The following ADCY9 variants were observed in gnomAD, a reference collection of about 807,000 sequenced individuals.
ADCY9 encodes adenylate cyclase type 9.
A neutral mutation model predicts 101.5 loss-of-function variants in ADCY9; 50 were observed. That is an observed-to-expected ratio of 0.49 (90% CI 0.39 to 0.62). The LOEUF (loss-of-function observed/expected upper bound fraction) is 0.62, where lower values mean the gene tolerates loss of function less well. Ranked by LOEUF, ADCY9 falls within the 20% of genes least tolerant of loss-of-function variation. ADCY9 has a pLI of 0.00. For synonymous variants in ADCY9, 905 were observed against 769.3 expected (o/e 1.18, Z -2.92); for missense variants, 1,662 against 1,800.4 (o/e 0.92, Z 1.39).
intron 2 of ADCY9, among the ~76,000 whole-genome samples, chr16:4,068,775 C>T (rs1229344030): frequency 1.3e-5 from 2 of 151,330 alleles, no homozygotes; most frequent in South Asian, 2.1e-4. Context: ...CAAGATCGAG[C>T]CACTGCACTC....
At chr16:4,065,089 CGT>C (rs1567134640) in intron 2 of ADCY9, among the ~76,000 whole-genome samples, 1 of 152,188 alleles carries the variant, frequency 6.6e-6, no homozygotes, top group African/African-American at 2.4e-5. Flanking sequence ...TACATGACTG[CGT>C]GTGTCAATCT....
intron 2 of ADCY9, among the ~76,000 whole-genome samples, chr16:4,077,901 C>G (rs1291219075): frequency 7.7e-6 from 1 of 130,662 alleles, no homozygotes; most frequent in Non-Finnish European, 1.7e-5. Flanking sequence ...ACTTGGGAGT[C>G]TTCGGCAGAA....
At position 4,062,296 on chromosome 16, in the gene ADCY9, T is replaced by A. The variant is rs180982112; in HGVS notation, c.1693+51454A>T. ...GATGAAAACAGAACACTAGAAAATA[T>A]CTATTTAACACAAAAGAAAACAGTA... is the stretch of plus-strand genomic sequence containing the variant. On this transcript the variant is annotated intron_variant, in intron 2 of 10. Transcript: ENST00000294016. 1.5e-3 allele frequency among the ~76,000 whole-genome samples: 231 copies of A among 152,102 alleles called. 1 individual carries two copies. The highest frequency in any genetic ancestry group is 5.3e-3 in the African/African-American group (219 of 41,482).
At chr16:3,989,168 T>C in intron 5 of ADCY9, 72 bp from the exon 6 acceptor site, 2 of 1,185,690 alleles carry the variant, frequency 1.7e-6, no homozygotes, top group South Asian at 2.5e-5. Flanking sequence ...AGATCATAAT[T>C]AGCTACCAAA....
chr16:3,966,570 G>A lies in ADCY9; in HGVS notation c.3267C>T (p.Ile1089=), dbSNP rs570463219. ...TGCTTAGGAGCTCGTCAAAGTCCCC[G>A]ATGAGCTCGTTGAGGACCCGGTAGC... ...KECYRVLNEL[I]GDFDELLSKP... Residue 1089 remains isoleucine (I), a synonymous_variant, in exon 11 of 11, where the codon ATC becomes ATT. Coordinates refer to ENST00000294016, the MANE Select transcript of ADCY9 (RefSeq NM_001116.4). The A allele has an allele frequency of 1.1e-5, 18 of 1,614,032 alleles. No homozygotes were observed. The African/African-American group carries it at 1.3e-4, about 12-fold the overall frequency.
chr16:3,996,519 G>GT (rs2056288047), intron 3 of ADCY9, among the ~76,000 whole-genome samples: 1 of 152,162 alleles, frequency 6.6e-6, no homozygotes, highest in African/African-American at 2.4e-5. Context: ...TGTGGCTAAG[G>GT]TGGGGGGCTT....
chr16:3,966,984 G>A lies in ADCY9; in HGVS notation c.2871-18C>T, dbSNP rs780994226. The A allele has an allele frequency of 1.3e-5, 20 of 1,594,134 alleles. No individual in the cohort carries two copies. Among genetic ancestry groups the A allele is most frequent in the African/African-American group, 4.0e-5 (3 of 74,400 alleles). ...TCTCGGAACTGGAGAGCAAAGACAC[G>A]GGAAAGGGAGAGGTTACTGCTCGGC... On this transcript the variant is annotated intron_variant, in intron 10 of 10. Coordinates refer to ENST00000294016, the MANE Select transcript of ADCY9 (RefSeq NM_001116.4).
rs767465372 is a variant in ADCY9 at position 3,993,382 on chromosome 16, G to C, written c.1989+24C>G. The C allele has an allele frequency of 5.0e-6, 8 of 1,611,130 alleles. No individual in the cohort carries two copies. The East Asian group carries it at 1.1e-4, about 22-fold the overall frequency. On this transcript the variant is annotated intron_variant, in intron 4 of 10. Coordinates refer to ENST00000294016, the MANE Select transcript of ADCY9 (RefSeq NM_001116.4). Reference sequence around the variant, plus strand: ...GATGCGCCAGGAGAGGAACTGACAGGAACAACAGCCATGAGCTTGTTACCT... The same window carrying C: ...GATGCGCCAGGAGAGGAACTGACAGCAACAACAGCCATGAGCTTGTTACCT...
At chr16:4,081,161 T>A (rs2056899313) in intron 2 of ADCY9, among the ~76,000 whole-genome samples, 1 of 152,076 alleles carries the variant, frequency 6.6e-6, no homozygotes, top group Non-Finnish European at 1.5e-5. Flanking sequence ...GAAAACCATC[T>A]CCCGCAGCGG....
chr16:4,097,547 A>ATTTTT (rs1393767540), intron 2 of ADCY9, among the ~76,000 whole-genome samples: 47 of 46,690 alleles, frequency 1.0e-3, no homozygotes, highest in Non-Finnish European at 1.5e-3. Flanking sequence ...ATATATATAT[A>ATTTTT]TATATATTTT....
intron 2 of ADCY9, among the ~76,000 whole-genome samples, chr16:4,013,917 C>G (rs1241902556): frequency 1.3e-5 from 2 of 152,100 alleles, no homozygotes; most frequent in Non-Finnish European, 2.9e-5. Flanking sequence ...TCATATGCAC[C>G]ATAAATAATC....
In ADCY9 at chr16:3,988,856, T is replaced by C. The variant is rs181964994; in HGVS notation, c.2310+138A>G. The stretch of plus-strand genomic sequence containing the variant: ...AGACATTTCATGTACAGTTGCCACT[T>C]AGGGTTTACAGAGTGTGGGAAATCA... On this transcript the variant is annotated intron_variant, in intron 6 of 10. Coordinates refer to ENST00000294016, the MANE Select transcript of ADCY9 (RefSeq NM_001116.4). 9 of 703,374 alleles carry C rather than the reference T, an allele frequency of 1.3e-5. No individual in the cohort carries two copies. In the East Asian group the frequency reaches 1.7e-4, roughly 14 times the overall value. The allele number at this position is 703,374 out of a possible 1,614,324, so 43.6% of individuals were successfully genotyped here.
chr16:4,038,385 G>C (rs991327020), intron 2 of ADCY9, among the ~76,000 whole-genome samples: 1 of 152,028 alleles, frequency 6.6e-6, no homozygotes, highest in African/African-American at 2.4e-5. Flanking sequence ...AGGGCTTAGG[G>C]GTGAGCAACC....
chr16:3,964,617 G>C lies in ADCY9; in HGVS notation c.*1158C>G. Reference sequence around the variant, plus strand: ...TGCCGGCACAGACCCCCGTGGTTCTGAGCTGGACCCCGGCAGGGAGGAGCC... The same window carrying C: ...TGCCGGCACAGACCCCCGTGGTTCTCAGCTGGACCCCGGCAGGGAGGAGCC... On this transcript the variant is annotated 3_prime_UTR_variant, in exon 11 of 11. Coordinates refer to ENST00000294016, the MANE Select transcript of ADCY9 (RefSeq NM_001116.4). The C allele has an allele frequency of 6.5e-6, 1 of 152,710 alleles. No individual in the cohort carries two copies. The highest frequency in any genetic ancestry group is 1.9e-4 in the East Asian group (1 of 5,194). The allele number at this position is 152,710 out of a possible 1,614,324, so 9.5% of individuals were successfully genotyped here. A position where few individuals can be genotyped will look rare whatever the true frequency, so the allele number is the denominator to read the frequency against.
intron 2 of ADCY9, among the ~76,000 whole-genome samples, chr16:4,064,182 G>C (rs975904851): frequency 7.9e-5 from 12 of 152,174 alleles, no homozygotes; most frequent in Admixed American, 2.0e-4. Context: ...AATTCCATTT[G>C]TAATAGCATC....
rs2057146921 is a variant in ADCY9 at position 4,115,711 on chromosome 16, G to A, written c.-65C>T. 1.0e-5 allele frequency: 4 copies of A among 394,254 alleles called. No homozygotes were observed. The highest frequency in any genetic ancestry group is 1.9e-4 in the South Asian group (2 of 10,712). 24.4% of individuals were successfully genotyped at this position (394,254 alleles called of 1,614,324 possible). On this transcript the variant is annotated 5_prime_UTR_variant, in exon 1 of 11. Coordinates refer to ENST00000294016, the MANE Select transcript of ADCY9 (RefSeq NM_001116.4). This position sits in a 1 kb window ranked among gnomAD's most constrained non-coding sequence, Gnocchi z 6.2. ...GGACCTAGAACGCCCGGGGGTCCCC[G>A]CCGCGTGGCCGCCGTGGCTCCGGGA... is the stretch of plus-strand genomic sequence containing the variant.
At chr16:4,052,688 G>C (rs75148991) in intron 2 of ADCY9, among the ~76,000 whole-genome samples, 1 of 152,102 alleles carries the variant, frequency 6.6e-6, no homozygotes, top group Non-Finnish European at 1.5e-5. Flanking sequence ...ATCAACTAGC[G>C]TGTAACTCTG....
At chr16:4,004,119 A>C (rs1266705944) in intron 3 of ADCY9, among the ~76,000 whole-genome samples, 3 of 151,980 alleles carry the variant, frequency 2.0e-5, no homozygotes, top group Non-Finnish European at 4.4e-5. Context: ...ATAGTGGCAC[A>C]TGCCTGTGGT....
chr16:4,058,120 C>T (rs1349532339), intron 2 of ADCY9, among the ~76,000 whole-genome samples: 37 of 149,232 alleles, frequency 2.5e-4, no homozygotes, highest in Non-Finnish European at 4.7e-4. Context: ...GATCATGCCA[C>T]TGCACTCCAG....
Sources: allele counts gnomAD v4.1 joint callset (sites outside exome capture counted in the v4.1 genomes callset), GRCh38; gene constraint gnomAD v4.1.1; non-coding constraint Gnocchi (gnomAD v3.1); transcripts MANE v1.5; gene names NCBI Gene and HGNC (gene_info 2026-07-23, HGNC 2026-07-21).